CPLX1: variants seen among roughly 807,000 people sequenced by gnomAD.
CPLX1 encodes complexin-1.
CPLX1 carries 6 observed loss-of-function variants against 15.6 expected under a neutral mutation model. The ratio of observed to expected loss-of-function variants is 0.39; its 90% CI spans 0.21 to 0.76. The LOEUF (loss-of-function observed/expected upper bound fraction) is 0.76. CPLX1 is among the 30% of genes least tolerant of loss of function. CPLX1 has a pLI of 0.43. For missense variants in CPLX1, 242 were observed against 188.6 expected (o/e 1.28, Z -1.66); for synonymous variants, 91 against 75.2 (o/e 1.21, Z -1.08).
At chr4:788,332 C>T (rs2152641443) in intron 3 of CPLX1, 1 of 985,406 alleles carries the variant, frequency 1.0e-6, no homozygotes. Context: ...CTGCAGGTGG[C>T]TCTGGGTGTG....
In CPLX1 at chr4:786,661, G is replaced by A. The variant is rs1325778063; in HGVS notation, c.245C>T (p.Ala82Val). 1 of 1,611,214 alleles carries A rather than the reference G, an allele frequency of 6.2e-7. No homozygotes were observed. Among genetic ancestry groups the A allele is most frequent in the Non-Finnish European group, 8.5e-7 (1 of 1,178,804 alleles). ...GGAGTTGGCCTCCATGGCGGCCTGG[G>A]CCTCGGCCTCGCGCTCCTCCTTCTT... ...IKKKEEREAE[A>V]QAAMEANSEG... Residue 82 changes from alanine (A) to valine (V), a missense_variant, in exon 4 of 4, where the codon GCC becomes GTC. Transcript: ENST00000304062.
chr4:792,803 T>A (rs1746224893), intron 2 of CPLX1, 195 bp from the exon 3 acceptor site: 5 of 592,644 alleles, frequency 8.4e-6, no homozygotes. Flanking sequence ...GGACCCTCCA[T>A]CCAGTGTGCT....
At chr4:790,697 C>T (rs1421723401) in intron 3 of CPLX1, among the ~76,000 whole-genome samples, 1 of 152,144 alleles carries the variant, frequency 6.6e-6, no homozygotes, top group African/African-American at 2.4e-5. Context: ...GAGACACCTC[C>T]CTGGATACAC....
At chr4:811,245 G>C (rs1297591248) in intron 2 of CPLX1, among the ~76,000 whole-genome samples, 1 of 152,174 alleles carries the variant, frequency 6.6e-6, no homozygotes, top group South Asian at 2.1e-4. Context: ...CTGAGCTCAA[G>C]TGATCTTCCC....
At chr4:799,680 T>C (rs950713667) in intron 2 of CPLX1, among the ~76,000 whole-genome samples, 2 of 152,098 alleles carry the variant, frequency 1.3e-5, no homozygotes, top group African/African-American at 4.8e-5. Context: ...CCAGTCAACA[T>C]GGTGAAACCC....
Position 821,835 on chromosome 4 carries a change from GC to G in CPLX1, c.31+2656del, listed in dbSNP as rs1209191755. ...TGAGACCCAGCGTTGGGTCAGATGA[GC>G]AGGCCCTGGGCCACTCACTCCTCAG... On this transcript the variant is annotated intron_variant, in intron 2 of 3. Transcript: ENST00000304062. Among the ~76,000 whole-genome samples, 26 of 152,284 alleles carry G rather than the reference GC, an allele frequency of 1.7e-4. No individual in the cohort carries two copies. In the South Asian group the frequency reaches 5.4e-3, roughly 32 times the overall value.
intron 2 of CPLX1, among the ~76,000 whole-genome samples, chr4:818,227 G>A (rs117041660): frequency 6.6e-5 from 10 of 152,226 alleles, no homozygotes; most frequent in Non-Finnish European, 1.5e-4. Flanking sequence ...GCACCGAGGC[G>A]CTGGAGAGGT....
intron 2 of CPLX1, among the ~76,000 whole-genome samples, chr4:816,114 C>A (rs1158861946): frequency 6.6e-6 from 1 of 152,156 alleles, no homozygotes; most frequent in African/African-American, 2.4e-5. Context: ...GAGACCTCAG[C>A]TCACTGACTG....
intron 3 of CPLX1, chr4:787,214 C>G (rs1746024378): frequency 1.0e-6 from 1 of 985,398 alleles, no homozygotes; most frequent in Non-Finnish European, 1.2e-6. Context: ...TGGCAGGCCG[C>G]TGCAGCTCCG....
chr4:787,037 C>T lies in CPLX1; in HGVS notation c.208-339G>A, dbSNP rs146148176. Reference sequence around the variant, plus strand: ...ATCCTGCCTTCCAGGAAGCCTCCGGCCCGGGGCAGGGAGGGGTGGGCAGGA... The same window carrying T: ...ATCCTGCCTTCCAGGAAGCCTCCGGTCCGGGGCAGGGAGGGGTGGGCAGGA... On this transcript the variant is annotated intron_variant, in intron 3 of 3. Coordinates refer to ENST00000304062, the MANE Select transcript of CPLX1 (RefSeq NM_006651.4). 3,871 of 985,386 alleles carry T rather than the reference C, an allele frequency of 3.9e-3. 8 individuals carry two copies. Among genetic ancestry groups the T allele is most frequent in the South Asian group, 0.01 (223 of 21,292 alleles). 61.0% of individuals were successfully genotyped at this position (985,386 alleles called of 1,614,324 possible). A position where few individuals can be genotyped will look rare whatever the true frequency, so the allele number is the denominator to read the frequency against.
At chr4:786,873 A>T (rs1274779298) in intron 3 of CPLX1, 175 bp from the exon 4 acceptor site, 1 of 983,186 alleles carries the variant, frequency 1.0e-6, no homozygotes, top group Non-Finnish European at 1.2e-6. Flanking sequence ...GGGTCCCTGG[A>T]GGAATGGGAA....
At chr4:802,241 C>T (rs1037434649) in intron 2 of CPLX1, among the ~76,000 whole-genome samples, 2 of 152,220 alleles carry the variant, frequency 1.3e-5, no homozygotes, top group Admixed American at 6.5e-5. Context: ...ATTGCTGATA[C>T]ACCAAACAAC....
intron 3 of CPLX1, among the ~76,000 whole-genome samples, chr4:789,332 G>C (rs1217637957): frequency 1.3e-5 from 2 of 152,182 alleles, no homozygotes; most frequent in Non-Finnish European, 2.9e-5. Context: ...TGCTGGGGGC[G>C]CCCAGGAGGC....
chr4:812,573 G>C (rs942030198), intron 2 of CPLX1, among the ~76,000 whole-genome samples: 10 of 152,272 alleles, frequency 6.6e-5, no homozygotes, highest in African/African-American at 2.4e-4. Flanking sequence ...TCTTCAGACA[G>C]AATACCGCTC....
At chr4:790,659 C>T (rs924767000) in intron 3 of CPLX1, among the ~76,000 whole-genome samples, 58 of 152,106 alleles carry the variant, frequency 3.8e-4, no homozygotes, top group South Asian at 2.1e-4. Flanking sequence ...CAGCAGAGGC[C>T]GGAGCCCAGG....
intron 2 of CPLX1, among the ~76,000 whole-genome samples, chr4:809,185 G>A (rs572320775): frequency 3.3e-5 from 5 of 152,380 alleles, no homozygotes; most frequent in South Asian, 2.1e-4. Context: ...GCTGTGAACC[G>A]TATCTTGCGG....
chr4:805,167 C>T (rs1357077461), intron 2 of CPLX1, among the ~76,000 whole-genome samples: 1 of 152,218 alleles, frequency 6.6e-6, no homozygotes, highest in East Asian at 1.9e-4. Context: ...GGCGCTGCAG[C>T]CGGAGAGCCA....
chr4:802,988 T>C lies in CPLX1; in HGVS notation c.32-10380A>G, dbSNP rs534184963. Among the ~76,000 whole-genome samples, 5 of 151,022 alleles carry C rather than the reference T, an allele frequency of 3.3e-5. No homozygotes were observed. In the East Asian group the frequency reaches 9.7e-4, roughly 29 times the overall value. On this transcript the variant is annotated intron_variant, in intron 2 of 3. Transcript: ENST00000304062. ...AAAAAATTCCAGAAAGCATGAAAGA[T>C]AAACACTAGGCGTCTGAACTTAGGG...
At chr4:788,266 T>A in intron 3 of CPLX1, 1 of 985,244 alleles carries the variant, frequency 1.0e-6, no homozygotes, top group Non-Finnish European at 1.2e-6. Flanking sequence ...GGGGGCTGCC[T>A]GTGTGCTCCC....
Sources: allele counts gnomAD v4.1 joint callset (sites outside exome capture counted in the v4.1 genomes callset), GRCh38; gene constraint gnomAD v4.1.1; transcripts MANE v1.5; gene names NCBI Gene and HGNC (gene_info 2026-07-23, HGNC 2026-07-21).